Variants in FAF1 observed in about 807,000 individuals in gnomAD.
The protein encoded by FAF1 is FAS-associated factor 1.
FAF1 carries 25 observed loss-of-function variants against 92.5 expected under a neutral mutation model. The observed-to-expected ratio is 0.27, with a 90% CI of 0.20 to 0.38. The LOEUF (loss-of-function observed/expected upper bound fraction) is 0.38. Among genes scored for constraint, FAF1 ranks in the 10% least tolerant of loss-of-function variants. The pLI, the probability that FAF1 is intolerant of heterozygous loss-of-function variation, is 1.00. For missense variants in FAF1, 636 were observed against 793.3 expected, an observed-to-expected ratio of 0.80 and a Z score of 2.38; for synonymous variants, 234 against 273.2, an observed-to-expected ratio of 0.86 and a Z score of 1.42.
At chr1:50,449,121 C>T (rs1292432745) in intron 18 of FAF1, among the ~76,000 whole-genome samples, 2 of 152,128 alleles carry the variant, frequency 1.3e-5, no homozygotes, top group Admixed American at 6.5e-5. Flanking sequence ...GAATGTGCTA[C>T]TAAACTTCGT....
intron 18 of FAF1, among the ~76,000 whole-genome samples, chr1:50,473,831 T>C (rs1646604372): frequency 6.6e-6 from 1 of 152,166 alleles, no homozygotes; most frequent in African/African-American, 2.4e-5. Flanking sequence ...TCTGTCTCTA[T>C]CCTGCAAACC....
At chr1:50,794,883 C>T (rs1054762683) in intron 3 of FAF1, among the ~76,000 whole-genome samples, 26 of 151,942 alleles carry the variant, frequency 1.7e-4, no homozygotes, top group East Asian at 5.8e-4. Context: ...GCGATCCACC[C>T]GCCTTGGCCT....
chr1:50,856,102 A>G (rs1045623791), intron 2 of FAF1, among the ~76,000 whole-genome samples: 2 of 151,752 alleles, frequency 1.3e-5, no homozygotes, highest in African/African-American at 4.8e-5. Context: ...ACACGAACCA[A>G]TAGGAAGCAG....
At chr1:50,885,014 G>A (rs1644647029) in intron 1 of FAF1, among the ~76,000 whole-genome samples, 1 of 152,000 alleles carries the variant, frequency 6.6e-6, no homozygotes, top group African/African-American at 2.4e-5. Flanking sequence ...GGTTTTATTT[G>A]TCTAGAAAAT....
At chr1:50,615,839 C>T (rs1460821405) in intron 8 of FAF1, among the ~76,000 whole-genome samples, 3 of 152,080 alleles carry the variant, frequency 2.0e-5, no homozygotes, top group African/African-American at 7.2e-5. Flanking sequence ...TTTTTCTGTG[C>T]AGATGCTCTT....
At chr1:50,807,027 TG>T (rs1216575723) in intron 2 of FAF1, among the ~76,000 whole-genome samples, 2 of 152,202 alleles carry the variant, frequency 1.3e-5, no homozygotes, top group African/African-American at 4.8e-5. Context: ...TCCCCAGTAC[TG>T]GGTCTTAACC....
intron 18 of FAF1, among the ~76,000 whole-genome samples, chr1:50,456,924 TA>T (rs1192025776): frequency 6.6e-6 from 1 of 152,180 alleles, no homozygotes; most frequent in Non-Finnish European, 1.5e-5. Flanking sequence ...ATTTTTTGTT[TA>T]AAAAATGTAT....
At chr1:50,875,405 C>T (rs932373599) in intron 1 of FAF1, among the ~76,000 whole-genome samples, 1 of 151,926 alleles carries the variant, frequency 6.6e-6, no homozygotes, top group African/African-American at 2.4e-5. Context: ...GTGAGAACAC[C>T]TACAATCAAC....
At chr1:50,875,106 T>A (rs1644559857) in intron 1 of FAF1, among the ~76,000 whole-genome samples, 1 of 152,106 alleles carries the variant, frequency 6.6e-6, no homozygotes, top group Non-Finnish European at 1.5e-5. Context: ...ATACTGAATT[T>A]TTTTGTTTTT....
In FAF1 at chr1:50,771,564, T is replaced by C. The variant is rs150011115; in HGVS notation, c.367+16436A>G. On this transcript the variant is annotated intron_variant, in intron 4 of 18. Transcript: ENST00000396153. The stretch of plus-strand genomic sequence containing the variant: ...AGAGAAATGCAAGTCAAAACCACAA[T>C]GAGATACCATGTTATACCAGTCAGA... Among the ~76,000 whole-genome samples, 1,334 of 152,106 alleles carry C rather than the reference T, an allele frequency of 8.8e-3. 22 individuals carry two copies. Among genetic ancestry groups the C allele is most frequent in the South Asian group, 0.051 (246 of 4,814 alleles).
intron 15 of FAF1, among the ~76,000 whole-genome samples, chr1:50,519,413 A>AAGGCGGGAGGGAGG (rs1557978843): frequency 8.2e-6 from 1 of 122,514 alleles, no homozygotes; most frequent in African/African-American, 3.5e-5. Context: ...GGAGGGAGGG[A>AAGGCGGGAGGGAGG]GAGAAGGAAG....
At chr1:50,758,404 C>A (rs984737515) in intron 4 of FAF1, among the ~76,000 whole-genome samples, 8 of 152,248 alleles carry the variant, frequency 5.3e-5, no homozygotes, top group South Asian at 2.1e-4. Context: ...AGACAGAAAT[C>A]TGTCTTACGA....
At chr1:50,649,601 G>A (rs531460371) in intron 8 of FAF1, among the ~76,000 whole-genome samples, 1 of 152,170 alleles carries the variant, frequency 6.6e-6, no homozygotes, top group East Asian at 1.9e-4. Context: ...TCAATTCTGA[G>A]TGAATATTTT....
At chr1:50,886,896 T>C (rs1460467485) in intron 1 of FAF1, among the ~76,000 whole-genome samples, 1 of 152,140 alleles carries the variant, frequency 6.6e-6, no homozygotes, top group African/African-American at 2.4e-5. Context: ...ATATACCCAG[T>C]AGTGGGATGG....
At chr1:50,873,783 G>A (rs1644547661) in intron 1 of FAF1, among the ~76,000 whole-genome samples, 1 of 152,200 alleles carries the variant, frequency 6.6e-6, no homozygotes, top group Non-Finnish European at 1.5e-5. Context: ...TCCGCAAGGT[G>A]GCAGTGTGAG....
intron 18 of FAF1, among the ~76,000 whole-genome samples, chr1:50,473,142 C>T (rs1266564795): frequency 6.6e-6 from 1 of 152,090 alleles, no homozygotes; most frequent in Non-Finnish European, 1.5e-5. Context: ...GAGATAGTAG[C>T]AGGCCCAAGA....
At chr1:50,917,615 G>A (rs538912286) in intron 1 of FAF1, among the ~76,000 whole-genome samples, 20 of 79,924 alleles carry the variant, frequency 2.5e-4, no homozygotes, top group South Asian at 4.1e-4. Flanking sequence ...GAAAGGAAAA[G>A]GGAAAGGAAA....
chr1:50,944,247 G>C (rs1645156841), intron 1 of FAF1, among the ~76,000 whole-genome samples: 1 of 152,172 alleles, frequency 6.6e-6, no homozygotes. Context: ...CATGGGGGAT[G>C]GCAGACCCAG....
chr1:50,910,301 G>A (rs1644874369), intron 1 of FAF1, among the ~76,000 whole-genome samples: 2 of 152,216 alleles, frequency 1.3e-5, no homozygotes, highest in Non-Finnish European at 2.9e-5. Flanking sequence ...CTACTGGGAG[G>A]TGTCTCCCAG....
Sources: allele counts gnomAD v4.1 joint callset (sites outside exome capture counted in the v4.1 genomes callset), GRCh38; gene constraint gnomAD v4.1.1; transcripts MANE v1.5; gene names NCBI Gene and HGNC (gene_info 2026-07-23, HGNC 2026-07-21).